GRID1: variants seen among roughly 807,000 people sequenced by gnomAD.
The protein encoded by GRID1 is glutamate receptor ionotropic, delta-1.
GRID1 carries 28 observed loss-of-function variants against 98.0 expected under a neutral mutation model. That is an observed-to-expected ratio of 0.29 (90% confidence interval 0.21 to 0.39). The LOEUF is 0.39. Ranked by LOEUF, GRID1 falls within the 10% of genes least tolerant of loss-of-function variation. GRID1 has a pLI of 1.00. For synonymous variants in GRID1, 553 were observed against 538.5 expected, an observed-to-expected ratio of 1.03 and a Z score of -0.37; for missense variants, 1,111 against 1,340.5, an observed-to-expected ratio of 0.83 and a Z score of 2.67.
chr10:86,034,687 T>C (rs562549642), intron 4 of GRID1, among the ~76,000 whole-genome samples: 1 of 151,972 alleles, frequency 6.6e-6, no homozygotes, highest in Non-Finnish European at 1.5e-5. Context: ...CATTTTATCA[T>C]GTGATTACAA....
At chr10:85,852,133 T>C (rs909025026) in intron 8 of GRID1, among the ~76,000 whole-genome samples, 1 of 152,190 alleles carries the variant, frequency 6.6e-6, no homozygotes, top group Admixed American at 6.5e-5. Flanking sequence ...CTCCCTGCTT[T>C]CCAGATAACT....
chr10:86,004,063 C>T (rs1309497346), intron 4 of GRID1, among the ~76,000 whole-genome samples: 1 of 152,172 alleles, frequency 6.6e-6, no homozygotes, highest in Admixed American at 6.5e-5. Context: ...CACTGCTACC[C>T]TGTAAGAGAG....
At chr10:85,781,047 A>G (rs1283742404) in intron 8 of GRID1, among the ~76,000 whole-genome samples, 1 of 152,182 alleles carries the variant, frequency 6.6e-6, no homozygotes, top group Non-Finnish European at 1.5e-5. Context: ...ACTCCTGGGA[A>G]GGAATGATTT....
At chr10:86,135,968 C>T (rs1844918391) in intron 4 of GRID1, among the ~76,000 whole-genome samples, 1 of 152,066 alleles carries the variant, frequency 6.6e-6, no homozygotes, top group Non-Finnish European at 1.5e-5. Context: ...CCGGATGCTG[C>T]ATAACATTGA....
intron 8 of GRID1, among the ~76,000 whole-genome samples, chr10:85,835,433 T>C (rs1842904167): frequency 6.6e-6 from 1 of 152,194 alleles, no homozygotes; most frequent in South Asian, 2.1e-4. Context: ...ACTGTTCTCA[T>C]GGTAGTGAGT....
At chr10:85,609,484 C>G (rs1842710195) in intron 15 of GRID1, among the ~76,000 whole-genome samples, 1 of 152,238 alleles carries the variant, frequency 6.6e-6, no homozygotes, top group African/African-American at 2.4e-5. Context: ...CTGGCAAACT[C>G]TTTACATGCA....
chr10:86,237,949 C>T (rs773622710), intron 2 of GRID1, among the ~76,000 whole-genome samples: 28 of 152,130 alleles, frequency 1.8e-4, no homozygotes, highest in Non-Finnish European at 3.2e-4. Flanking sequence ...AGAAAGGCGG[C>T]ATTAGTATAA....
intron 13 of GRID1, among the ~76,000 whole-genome samples, chr10:85,636,499 T>C (rs570578828): frequency 1.3e-5 from 2 of 152,292 alleles, no homozygotes; most frequent in Admixed American, 1.3e-4. Context: ...ATTTCCCCAA[T>C]TAGCCACAGT....
intron 3 of GRID1, among the ~76,000 whole-genome samples, chr10:86,193,787 C>T (rs1845837335): frequency 6.6e-6 from 1 of 151,986 alleles, no homozygotes; most frequent in African/African-American, 2.4e-5. Flanking sequence ...ACCAGAGAGG[C>T]ATGTCCCTCA....
chr10:85,708,893 A>G (rs1365143397), intron 12 of GRID1: 2 of 162,614 alleles, frequency 1.2e-5, no homozygotes, highest in African/African-American at 2.4e-5. Flanking sequence ...ATGAAGAAGC[A>G]TGGTATGCCC....
At chr10:86,165,610 C>T (rs1845387749) in intron 3 of GRID1, among the ~76,000 whole-genome samples, 1 of 152,144 alleles carries the variant, frequency 6.6e-6, no homozygotes, top group Non-Finnish European at 1.5e-5. Flanking sequence ...GGTGGTAAGT[C>T]GTTTCCAGTT....
chr10:85,804,177 C>T (rs1478532313), intron 8 of GRID1, among the ~76,000 whole-genome samples: 3 of 151,060 alleles, frequency 2.0e-5, no homozygotes, highest in African/African-American at 4.9e-5. Context: ...GCATAAATTA[C>T]CCATCTAGGG....
intron 4 of GRID1, among the ~76,000 whole-genome samples, chr10:86,060,005 T>C (rs892765459): frequency 1.3e-5 from 2 of 152,234 alleles, no homozygotes; most frequent in Admixed American, 6.5e-5. Flanking sequence ...ACAACTATGA[T>C]GGAAGTGGAG....
chr10:85,877,280 G>C (rs111773406), intron 5 of GRID1, among the ~76,000 whole-genome samples: 8,421 of 152,318 alleles, frequency 0.055, 312 homozygotes, highest in Non-Finnish European at 0.079. Flanking sequence ...CACAGCTGGA[G>C]ATCTGAGAAC....
chr10:86,007,843 T>C (rs1204581258), intron 4 of GRID1, among the ~76,000 whole-genome samples: 1 of 151,252 alleles, frequency 6.6e-6, no homozygotes, highest in Non-Finnish European at 1.5e-5. Context: ...TATTTATTTA[T>C]TTATTTATTT....
intron 5 of GRID1, among the ~76,000 whole-genome samples, chr10:85,869,701 T>A (rs1843257937): frequency 6.6e-6 from 1 of 152,192 alleles, no homozygotes; most frequent in Non-Finnish European, 1.5e-5. Flanking sequence ...TCTACCTATA[T>A]CTCTGAAGTT....
chr10:85,949,158 C>T (rs1005495251), intron 4 of GRID1, among the ~76,000 whole-genome samples: 3 of 152,058 alleles, frequency 2.0e-5, no homozygotes, highest in African/African-American at 7.2e-5. Context: ...GCCTTTTGTA[C>T]CAGGGTGTTG....
chr10:85,718,993 C>T (rs1019567196), intron 12 of GRID1, among the ~76,000 whole-genome samples: 2 of 152,182 alleles, frequency 1.3e-5, no homozygotes, highest in African/African-American at 4.8e-5. Context: ...CTCTTGAATG[C>T]TTTGCTGCTT....
intron 15 of GRID1, among the ~76,000 whole-genome samples, chr10:85,608,010 G>A (rs150555987): frequency 1.3e-5 from 2 of 152,080 alleles, no homozygotes; most frequent in East Asian, 3.9e-4. Flanking sequence ...AGAGACTGGG[G>A]TCTAGCTTTT....
Sources: allele counts gnomAD v4.1 joint callset (sites outside exome capture counted in the v4.1 genomes callset), GRCh38; gene constraint gnomAD v4.1.1; transcripts MANE v1.5; gene names NCBI Gene and HGNC (gene_info 2026-07-23, HGNC 2026-07-21).